Variants in ZNF507 observed in about 807,000 individuals in gnomAD.
ZNF507 encodes zinc finger protein 507.
In ZNF507, 29 loss-of-function variants were observed where a neutral mutation model predicts 80.0. The observed-to-expected ratio is 0.36, with a 90% CI of 0.27 to 0.49. The LOEUF is 0.49. Among genes scored for constraint, ZNF507 ranks in the 20% least tolerant of loss-of-function variants. The pLI is 0.98. For synonymous variants in ZNF507, 462 were observed against 422.5 expected (o/e 1.09, Z -1.15); for missense variants, 1,081 against 1,152.2 (o/e 0.94, Z 0.90).
At chr19:32,373,128 GC>G (rs1347075405) in intron 5 of ZNF507, among the ~76,000 whole-genome samples, 2 of 152,112 alleles carry the variant, frequency 1.3e-5, no homozygotes, top group African/African-American at 4.8e-5. Context: ...TATTCACAAG[GC>G]CTCTGCCCTC....
In ZNF507 at chr19:32,385,477, TAATG is replaced by T. The variant is rs933060001; in HGVS notation, c.*2397_*2400del. ...GAACAATTGAGTTTTCTAAAAGTAA[TAATG>T]AAGATTATGCAATTCTAACTGTAGA... On this transcript the variant is annotated 3_prime_UTR_variant, in exon 7 of 7. Coordinates refer to ENST00000355898, the MANE Select transcript of ZNF507 (RefSeq NM_001136156.2). 1 of 152,186 alleles carries T rather than the reference TAATG, an allele frequency of 6.6e-6. No homozygotes were observed. Among genetic ancestry groups the T allele is most frequent in the African/African-American group, 2.4e-5 (1 of 41,462 alleles). The allele number at this position is 152,186 out of a possible 1,614,324, so 9.4% of individuals were successfully genotyped here.
intron 5 of ZNF507, among the ~76,000 whole-genome samples, chr19:32,363,764 C>T (rs923227032): frequency 1.3e-5 from 2 of 152,162 alleles, no homozygotes; most frequent in Non-Finnish European, 2.9e-5. Flanking sequence ...GGCTGATGAC[C>T]TCTAAACACT....
At chr19:32,368,645 A>G (rs1967430644) in intron 5 of ZNF507, among the ~76,000 whole-genome samples, 1 of 152,248 alleles carries the variant, frequency 6.6e-6, no homozygotes, top group South Asian at 2.1e-4. Flanking sequence ...AAAATAGTGA[A>G]GGAGATAGTT....
At chr19:32,355,040 C>A in intron 3 of ZNF507, 83 bp downstream of exon 3, 1 of 1,324,074 alleles carries the variant, frequency 7.6e-7, no homozygotes, top group Non-Finnish European at 1.0e-6. Context: ...ATCCAATCAC[C>A]TCATTTTATA....
Position 32,383,256 on chromosome 19 carries a change from C to T in ZNF507, c.*173C>T. The T allele has an allele frequency of 5.1e-6, 4 of 790,502 alleles. No homozygotes were observed. The allele number at this position is 790,502 out of a possible 1,614,324, so 49.0% of individuals were successfully genotyped here. ...TGTAATAAAAGGAATTCCAAATGGA[C>T]AAGCAGTAATGATATTTAAATATTT... On this transcript the variant is annotated 3_prime_UTR_variant, in exon 7 of 7. Coordinates refer to ENST00000355898, the MANE Select transcript of ZNF507 (RefSeq NM_001136156.2).
chr19:32,372,594 AAG>A lies in ZNF507; in HGVS notation c.2361-9872_2361-9871del, dbSNP rs554101198. 4.6e-5 allele frequency among the ~76,000 whole-genome samples: 7 copies of A among 152,142 alleles called. No individual in the cohort carries two copies. The South Asian group carries it at 1.5e-3, about 32-fold the overall frequency. On this transcript the variant is annotated intron_variant, in intron 5 of 6. Transcript: ENST00000355898. ...CACAACATGGCAGAGAAGGTCAAAA[AAG>A]GGGGGACACATGCGAAGAACGGAAG...
At chr19:32,345,867 G>A in intron 1 of ZNF507, 84 bp downstream of exon 1, 1 of 152,170 alleles carries the variant, frequency 6.6e-6, no homozygotes, top group South Asian at 2.1e-4. Flanking sequence ...CTCTGCCGGC[G>A]CTCGCTTCCT....
intron 5 of ZNF507, among the ~76,000 whole-genome samples, chr19:32,364,706 A>G (rs1183043127): frequency 3.9e-5 from 6 of 152,154 alleles, no homozygotes; most frequent in Non-Finnish European, 8.8e-5. Flanking sequence ...TCATATATAT[A>G]TATCTCCGAG....
At chr19:32,347,960 G>A (rs1232311757) in intron 2 of ZNF507, among the ~76,000 whole-genome samples, 1 of 151,998 alleles carries the variant, frequency 6.6e-6, no homozygotes, top group East Asian at 1.9e-4. Context: ...AATTACCTTG[G>A]GCTCAGAAGA....
chr19:32,359,346 T>A (rs1967291288), intron 4 of ZNF507: 1 of 152,182 alleles, frequency 6.6e-6, no homozygotes, highest in Admixed American at 6.5e-5. Flanking sequence ...TTGTTGAAAT[T>A]TCAGTGTGGG....
intron 4 of ZNF507, among the ~76,000 whole-genome samples, chr19:32,360,187 G>A (rs1967302887): frequency 6.6e-6 from 1 of 152,178 alleles, no homozygotes; most frequent in African/African-American, 2.4e-5. Flanking sequence ...CAGATCAACA[G>A]GGTGTCTCTG....
rs10616609 is a variant in ZNF507, at chr19:32,378,650, TA to T, written c.2361-3807del. ...TCTAAAATTAGAAGCTTTTTTTTTT[TA>T]AAAAAAAAAGGGAAAACAGTAAACA... On this transcript the variant is annotated intron_variant, in intron 5 of 6. Coordinates refer to ENST00000355898, the MANE Select transcript of ZNF507 (RefSeq NM_001136156.2). Among the ~76,000 whole-genome samples the T allele has an allele frequency of 8.6e-3, 971 of 113,028 alleles. 6 individuals carry two copies. The highest frequency in any genetic ancestry group is 0.029 in the South Asian group (107 of 3,714). 74.2% of individuals were successfully genotyped at this position (113,028 alleles called of 152,430 possible).
chr19:32,363,895 G>C (rs1173770132), intron 5 of ZNF507, among the ~76,000 whole-genome samples: 2 of 152,174 alleles, frequency 1.3e-5, no homozygotes, highest in African/African-American at 4.8e-5. Flanking sequence ...ATGTCTGGCT[G>C]CTCTGGAGTC....
intron 2 of ZNF507, 90 bp downstream of exon 2, chr19:32,347,428 A>C (rs1181550446): frequency 6.6e-6 from 1 of 152,246 alleles, no homozygotes; most frequent in Non-Finnish European, 1.5e-5. Context: ...TGAGGATCAG[A>C]TACCACTAAC....
At chr19:32,351,561 T>G in intron 2 of ZNF507, among the ~76,000 whole-genome samples, 1 of 133,712 alleles carries the variant, frequency 7.5e-6, no homozygotes, top group East Asian at 2.6e-4. Flanking sequence ...ACATTAGGTA[T>G]CATCTTGGCA....
chr19:32,369,212 T>C lies in ZNF507; in HGVS notation c.2360+8594T>C, dbSNP rs10405415. On this transcript the variant is annotated intron_variant, in intron 5 of 6. Coordinates refer to ENST00000355898, the MANE Select transcript of ZNF507 (RefSeq NM_001136156.2). ...ACAGGTTGGGTGTTATTGGTTAACA[T>C]AGAAATTGTGCTGCTTTGGACATTC... Among the ~76,000 whole-genome samples the C allele has an allele frequency of 4.6e-3, 707 of 152,308 alleles. 7 individuals carry two copies. Among genetic ancestry groups the C allele is most frequent in the African/African-American group, 0.016 (675 of 41,564 alleles).
rs747930286 is a variant in ZNF507, at chr19:32,382,923, C to T, written c.2702C>T (p.Pro901Leu). Reference protein sequence around the residue: ...YSLEKISSLAPPSMEYCVLLF... With the variant: ...YSLEKISSLALPSMEYCVLLF... ...TTAGAAAAAATCTCCAGTCTGGCCC[C>T]TCCTAGCATGGAGTACTGCGTTTTA... Residue 901 changes from proline (P) to leucine (L), a missense_variant, in exon 7 of 7, where the codon CCT (proline) becomes CTT (leucine). Around this residue, in one of 6 missense-constraint regions of ZNF507, gnomAD observed 138 missense variants for 158.4 expected, o/e 0.87. Transcript: ENST00000355898. The T allele has an allele frequency of 1.2e-6, 2 of 1,614,150 alleles. No homozygotes were observed. Among genetic ancestry groups the T allele is most frequent in the Admixed American group, 3.3e-5 (2 of 60,014 alleles).
chr19:32,372,416 C>T (rs1967486138), intron 5 of ZNF507, among the ~76,000 whole-genome samples: 1 of 152,102 alleles, frequency 6.6e-6, no homozygotes, highest in South Asian at 2.1e-4. Context: ...TTTAAACTAA[C>T]AATCCATAAG....
intron 5 of ZNF507, among the ~76,000 whole-genome samples, chr19:32,367,200 T>C (rs767735113): frequency 3.9e-5 from 6 of 152,168 alleles, no homozygotes; most frequent in Non-Finnish European, 7.3e-5. Context: ...CAGGCTCTTC[T>C]TAACAGTCAG....
Sources: allele counts gnomAD v4.1 joint callset (sites outside exome capture counted in the v4.1 genomes callset), GRCh38; gene constraint gnomAD v4.1.1; regional missense constraint gnomAD v4.1.1; transcripts MANE v1.5; gene names NCBI Gene and HGNC (gene_info 2026-07-23, HGNC 2026-07-21).